The following PDE4D variants were observed in gnomAD, a reference collection of about 807,000 sequenced individuals.
The protein encoded by PDE4D is phosphodiesterase 4D, also known as 3',5'-cyclic-AMP phosphodiesterase 4D.
PDE4D carries 24 observed loss-of-function variants against 87.4 expected under a neutral mutation model. The ratio of observed to expected loss-of-function variants is 0.27; its 90% confidence interval spans 0.20 to 0.39. The LOEUF is 0.39. Ranked by LOEUF, PDE4D falls within the 10% of genes least tolerant of loss-of-function variation. PDE4D has a pLI of 1.00. For synonymous variants in PDE4D, 384 were observed against 383.2 expected, an observed-to-expected ratio of 1.00 and a Z score of -0.02; for missense variants, 714 against 1,041.0, an observed-to-expected ratio of 0.69 and a Z score of 4.32.
chr5:59,236,089 G>T (rs1756363288), intron 1 of PDE4D, among the ~76,000 whole-genome samples: 2 of 152,088 alleles, frequency 1.3e-5, no homozygotes, highest in Non-Finnish European at 2.9e-5. Flanking sequence ...GCTGAGGTTT[G>T]GGCTTCTAAT....
intron 5 of PDE4D, among the ~76,000 whole-genome samples, chr5:59,121,520 G>A (rs985896676): frequency 6.6e-6 from 1 of 151,720 alleles, no homozygotes; most frequent in Admixed American, 6.6e-5. Flanking sequence ...CAGTTAGAGG[G>A]CTATTATTAA....
At chr5:59,297,194 C>T (rs139350447) in intron 1 of PDE4D, among the ~76,000 whole-genome samples, 32 of 152,274 alleles carry the variant, frequency 2.1e-4, no homozygotes, top group African/African-American at 7.2e-4. Context: ...CACATTTTCA[C>T]GACAGCTTCA....
chr5:60,425,926 T>C (rs553262551), intron 1 of PDE4D, among the ~76,000 whole-genome samples: 1 of 152,094 alleles, frequency 6.6e-6, no homozygotes, highest in African/African-American at 2.4e-5. Context: ...AACAGACACA[T>C]GAAAAAATGC....
chr5:59,426,546 G>A (rs891927789), intron 1 of PDE4D, among the ~76,000 whole-genome samples: 1 of 152,074 alleles, frequency 6.6e-6, no homozygotes, highest in Non-Finnish European at 1.5e-5. Context: ...GGAGCACAGA[G>A]CAGGCAGCAA....
chr5:59,052,323 T>C (rs142468766), intron 5 of PDE4D, among the ~76,000 whole-genome samples: 32 of 152,258 alleles, frequency 2.1e-4, no homozygotes, highest in Admixed American at 1.2e-3. Context: ...TTTTCAGGTG[T>C]AGGAAATGTC....
At chr5:59,356,404 T>A (rs1781377321) in intron 1 of PDE4D, among the ~76,000 whole-genome samples, 1 of 152,206 alleles carries the variant, frequency 6.6e-6, no homozygotes, top group South Asian at 2.1e-4. Flanking sequence ...AATAATGTAG[T>A]GTTTTTTTTG....
chr5:60,508,373 A>G (rs538221652), intron 1 of PDE4D, among the ~76,000 whole-genome samples: 7 of 152,348 alleles, frequency 4.6e-5, no homozygotes, highest in Non-Finnish European at 8.8e-5. Flanking sequence ...TACCTAACTT[A>G]CTCAACACAT....
intron 2 of PDE4D, among the ~76,000 whole-genome samples, chr5:60,173,085 AAT>A (rs1783614090): frequency 6.6e-6 from 1 of 152,146 alleles, no homozygotes; most frequent in South Asian, 2.1e-4. Context: ...ATTGACTATA[AAT>A]ATGTTACAGT....
At chr5:59,924,244 C>G (rs1157732923) in intron 3 of PDE4D, among the ~76,000 whole-genome samples, 2 of 152,068 alleles carry the variant, frequency 1.3e-5, no homozygotes, top group African/African-American at 4.8e-5. Context: ...AAAATAGCCT[C>G]TGAAGGGCAA....
intron 1 of PDE4D, among the ~76,000 whole-genome samples, chr5:60,352,901 A>G (rs1759319791): frequency 6.6e-6 from 1 of 152,220 alleles, no homozygotes; most frequent in Non-Finnish European, 1.5e-5. Flanking sequence ...CCATGAAATA[A>G]CATAATGCTC....
intron 1 of PDE4D, among the ~76,000 whole-genome samples, chr5:59,520,312 T>C (rs1299981976): frequency 6.6e-6 from 1 of 152,188 alleles, no homozygotes; most frequent in Non-Finnish European, 1.5e-5. Context: ...GGGATGGGGC[T>C]GTTCTCCCTG....
intron 1 of PDE4D, among the ~76,000 whole-genome samples, chr5:59,716,458 G>A (rs767613962): frequency 6.6e-6 from 1 of 152,176 alleles, no homozygotes; most frequent in African/African-American, 2.4e-5. Flanking sequence ...ACAACAATGT[G>A]ATAAACAGGT....
chr5:59,302,887 T>G (rs990062608), intron 1 of PDE4D, among the ~76,000 whole-genome samples: 2 of 152,210 alleles, frequency 1.3e-5, no homozygotes, highest in African/African-American at 4.8e-5. Context: ...TCTTTTCCTC[T>G]GGGTAGATAC....
intron 1 of PDE4D, among the ~76,000 whole-genome samples, chr5:59,798,620 C>A (rs1035061220): frequency 1.3e-5 from 2 of 152,176 alleles, no homozygotes; most frequent in Admixed American, 6.5e-5. Flanking sequence ...AAAAGGCTAA[C>A]ACCTTCCATA....
At chr5:59,267,097 C>A (rs1362601108) in intron 1 of PDE4D, among the ~76,000 whole-genome samples, 1 of 152,038 alleles carries the variant, frequency 6.6e-6, no homozygotes, top group East Asian at 1.9e-4. Flanking sequence ...GCTGCTTTCT[C>A]CAGCTAGCTG....
At chr5:59,076,247 G>GATAAAAAAC in intron 5 of PDE4D, among the ~76,000 whole-genome samples, 1 of 152,230 alleles carries the variant, frequency 6.6e-6, no homozygotes, top group East Asian at 1.9e-4. Flanking sequence ...TTACATGTAA[G>GATAAAAAAC]AGGAGCTCCT....
At chr5:60,046,761 T>C (rs1296646257) in intron 2 of PDE4D, among the ~76,000 whole-genome samples, 36 of 152,256 alleles carry the variant, frequency 2.4e-4, no homozygotes, top group African/African-American at 7.7e-4. Context: ...CTGCTGGATT[T>C]GGTTTGCCAG....
intron 1 of PDE4D, among the ~76,000 whole-genome samples, chr5:59,536,421 C>T (rs1279551989): frequency 1.2e-4 from 16 of 135,056 alleles, no homozygotes; most frequent in Non-Finnish European, 2.3e-4. Flanking sequence ...AAGAGAATGG[C>T]GTGAACCCGG....
chr5:60,004,301 C>A (rs185397519), intron 2 of PDE4D, among the ~76,000 whole-genome samples: 1 of 152,190 alleles, frequency 6.6e-6, no homozygotes, highest in Non-Finnish European at 1.5e-5. Flanking sequence ...ATTGGTTCAA[C>A]CTTTCCCACC....
Sources: gnomAD v4.1 joint callset for allele counts (sites outside exome capture counted in the v4.1 genomes callset) on GRCh38, gnomAD v4.1.1 for gene constraint, MANE v1.5 for transcripts, NCBI Gene and HGNC (gene_info 2026-07-23, HGNC 2026-07-21) for gene names.